TENM4: variants seen among roughly 807,000 people sequenced by gnomAD.
TENM4 encodes the protein teneurin transmembrane protein 4, also known as teneurin-4.
In TENM4, 82 loss-of-function variants were observed where a neutral mutation model predicts 243.3. The ratio of observed to expected loss-of-function variants is 0.34; its 90% CI spans 0.28 to 0.40. The LOEUF (loss-of-function observed/expected upper bound fraction) is 0.40, where lower values mean the gene tolerates loss of function less well. Among genes scored for constraint, TENM4 ranks in the 10% least tolerant of loss-of-function variants. The pLI, the probability that TENM4 is intolerant of heterozygous loss-of-function variation, is 1.00. For synonymous variants in TENM4, 1,412 were observed against 1,456.3 expected, an observed-to-expected ratio of 0.97 and a Z score of 0.69; for missense variants, 3,138 against 3,673.3, an observed-to-expected ratio of 0.85 and a Z score of 3.77.
At chr11:79,167,313 T>C (rs1438090452) in intron 3 of TENM4, among the ~76,000 whole-genome samples, 1 of 152,194 alleles carries the variant, frequency 6.6e-6, no homozygotes, top group African/African-American at 2.4e-5. Flanking sequence ...CTTTATCTTA[T>C]GGCCAGTGGG....
intron 1 of TENM4, among the ~76,000 whole-genome samples, chr11:79,310,903 G>C (rs770136710): frequency 2.0e-5 from 3 of 152,200 alleles, no homozygotes; most frequent in African/African-American, 7.2e-5. Context: ...AAGTGGGTAG[G>C]AGAGGGTTCT....
intron 1 of TENM4, among the ~76,000 whole-genome samples, chr11:79,423,880 C>G (rs1323913233): frequency 6.6e-6 from 1 of 152,144 alleles, no homozygotes; most frequent in Non-Finnish European, 1.5e-5. Flanking sequence ...TCTCATCCTT[C>G]AAGTCGACGT....
intron 2 of TENM4, among the ~76,000 whole-genome samples, chr11:79,235,002 CT>C (rs1378787850): frequency 6.6e-6 from 1 of 152,146 alleles, no homozygotes; most frequent in Non-Finnish European, 1.5e-5. Context: ...AGAGGGAAGA[CT>C]AAAAATCCCA....
chr11:78,900,437 G>C (rs1021997595), intron 7 of TENM4, among the ~76,000 whole-genome samples: 2 of 152,146 alleles, frequency 1.3e-5, no homozygotes, highest in Non-Finnish European at 2.9e-5. Flanking sequence ...GTAGAGAAGA[G>C]GTAGAACCTA....
chr11:78,843,686 T>C (rs956505603), intron 12 of TENM4, among the ~76,000 whole-genome samples: 1 of 152,090 alleles, frequency 6.6e-6, no homozygotes, highest in Non-Finnish European at 1.5e-5. Flanking sequence ...GAAAGCCAAA[T>C]TTATAAGAAC....
chr11:79,377,990 A>T (rs550460305), intron 1 of TENM4, among the ~76,000 whole-genome samples: 1 of 152,224 alleles, frequency 6.6e-6, no homozygotes, highest in Non-Finnish European at 1.5e-5. Context: ...TCAGGCTCAA[A>T]CACTAAACAC....
chr11:78,760,079 C>A lies in TENM4; in HGVS notation c.2540-3058G>T, dbSNP rs546514148. 9.1e-4 allele frequency among the ~76,000 whole-genome samples: 139 copies of A among 152,324 alleles called. No individual in the cohort carries two copies. In the Middle Eastern group the frequency reaches 0.017, roughly 19 times the overall value. On this transcript the variant is annotated intron_variant, in intron 18 of 33. Transcript: ENST00000278550. ...GATTTTCTCTCCGTCCCCTGACCCC[C>A]ATACTCTGCAACCCAAACGATGACC...
chr11:79,324,186 T>C (rs545622065), intron 1 of TENM4, among the ~76,000 whole-genome samples: 205 of 152,304 alleles, frequency 1.3e-3, no homozygotes, highest in African/African-American at 4.6e-3. Context: ...TTTTTATTGT[T>C]GTGTTATTTC....
intron 6 of TENM4, among the ~76,000 whole-genome samples, chr11:78,915,351 C>T (rs1174199857): frequency 6.6e-6 from 1 of 152,174 alleles, no homozygotes; most frequent in African/African-American, 2.4e-5. Flanking sequence ...TCTCTTCCAC[C>T]AGACTGTACG....
intron 2 of TENM4, among the ~76,000 whole-genome samples, chr11:79,220,567 A>T (rs1864137131): frequency 6.6e-6 from 1 of 152,242 alleles, no homozygotes; most frequent in Non-Finnish European, 1.5e-5. Flanking sequence ...AATGTTCAAC[A>T]TCATGGGCAT....
intron 3 of TENM4, among the ~76,000 whole-genome samples, chr11:79,156,632 C>G (rs1040139727): frequency 2.6e-5 from 4 of 152,186 alleles, no homozygotes; most frequent in African/African-American, 9.7e-5. Context: ...CCATCCTGAG[C>G]TTCCAGCACC....
rs1252171867 is a variant in TENM4 at position 78,992,582 on chromosome 11, T to C, written c.493+72156A>G. ...TCATTTTTCCTGCCGAAGATAGTTT[T>C]GATGTGGATCTTGAGAAAGAACGGG... On this transcript the variant is annotated intron_variant, in intron 6 of 33. Coordinates refer to ENST00000278550, the MANE Select transcript of TENM4 (RefSeq NM_001098816.3). Among the ~76,000 whole-genome samples the C allele has an allele frequency of 1.1e-4, 17 of 152,208 alleles. 1 individual carries two copies.
At chr11:79,065,132 A>C in intron 5 of TENM4, 125 bp from the exon 6 acceptor site, 1 of 1,376,642 alleles carries the variant, frequency 7.3e-7, no homozygotes, top group Non-Finnish European at 9.5e-7. Flanking sequence ...GTGGCATTCT[A>C]TGCCCATGCC....
At chr11:79,265,955 C>T (rs897964619) in intron 2 of TENM4, among the ~76,000 whole-genome samples, 6 of 152,160 alleles carry the variant, frequency 3.9e-5, no homozygotes, top group Admixed American at 3.9e-4. Context: ...ACTCTCAGAA[C>T]TCTTATTCAT....
chr11:79,255,461 A>C (rs1034938670), intron 2 of TENM4, among the ~76,000 whole-genome samples: 4 of 152,062 alleles, frequency 2.6e-5, no homozygotes, highest in African/African-American at 9.7e-5. Context: ...AGCTCAAAGA[A>C]CTCCTCTTGG....
intron 1 of TENM4, among the ~76,000 whole-genome samples, chr11:79,321,957 G>A (rs899491876): frequency 3.2e-4 from 48 of 152,108 alleles, no homozygotes; most frequent in African/African-American, 1.0e-3. Flanking sequence ...ACCATGTCTG[G>A]GCCAAAATGG....
chr11:79,098,780 G>A (rs1255108668), intron 4 of TENM4, among the ~76,000 whole-genome samples: 6 of 152,242 alleles, frequency 3.9e-5, no homozygotes, highest in Non-Finnish European at 7.4e-5. Flanking sequence ...AGCCATCAAC[G>A]ACATCAGGAA....
At chr11:79,023,175 C>T (rs1335223834) in intron 6 of TENM4, among the ~76,000 whole-genome samples, 3 of 152,132 alleles carry the variant, frequency 2.0e-5, no homozygotes, top group Non-Finnish European at 4.4e-5. Context: ...ACCTATGATA[C>T]CTGCTAGACC....
chr11:79,336,583 G>T (rs1033874764), intron 1 of TENM4, among the ~76,000 whole-genome samples: 10 of 152,162 alleles, frequency 6.6e-5, no homozygotes, highest in South Asian at 2.1e-4. Flanking sequence ...GGCTCCATTT[G>T]CTTTCTATCA....
Sources: allele counts gnomAD v4.1 joint callset (sites outside exome capture counted in the v4.1 genomes callset), GRCh38; gene constraint gnomAD v4.1.1; transcripts MANE v1.5; gene names NCBI Gene and HGNC (gene_info 2026-07-23, HGNC 2026-07-21).